SGMS1: variants seen among roughly 807,000 people sequenced by gnomAD.
SGMS1 encodes phosphatidylcholine:ceramide cholinephosphotransferase 1.
A neutral mutation model predicts 46.2 loss-of-function variants in SGMS1; 13 were observed. That is an observed-to-expected ratio of 0.28 (90% CI 0.18 to 0.45). The LOEUF is 0.45. SGMS1 is among the 20% of genes least tolerant of loss of function. The probability of loss-of-function intolerance (pLI) is 1.00; values close to 1 mark genes in which losing one functional copy is unlikely to be tolerated. For missense variants in SGMS1, 324 were observed against 519.9 expected (o/e 0.62, Z 3.66); for synonymous variants, 203 against 187.8 (o/e 1.08, Z -0.66).
At chr10:50,322,949 T>C (rs1363368019) in intron 8 of SGMS1, among the ~76,000 whole-genome samples, 1 of 151,536 alleles carries the variant, frequency 6.6e-6, no homozygotes, top group African/African-American at 2.4e-5. Flanking sequence ...GTATCAAAAA[T>C]TTGGCAGCCT....
chr10:50,487,070 T>G (rs1837526988), intron 3 of SGMS1, among the ~76,000 whole-genome samples: 1 of 152,136 alleles, frequency 6.6e-6, no homozygotes, highest in Admixed American at 6.5e-5. Context: ...GAAACCCAAA[T>G]ACCGCATGTT....
intron 6 of SGMS1, among the ~76,000 whole-genome samples, chr10:50,347,199 A>C (rs1847928894): frequency 6.6e-6 from 1 of 152,106 alleles, no homozygotes; most frequent in Non-Finnish European, 1.5e-5. Flanking sequence ...AATGTTAAGC[A>C]CCCATAGATC....
chr10:50,582,441 A>G (rs1838443638), intron 2 of SGMS1, among the ~76,000 whole-genome samples: 1 of 152,246 alleles, frequency 6.6e-6, no homozygotes, highest in South Asian at 2.1e-4. Flanking sequence ...TCGTGAGAGC[A>G]GCACTCTGCA....
intron 2 of SGMS1, among the ~76,000 whole-genome samples, chr10:50,586,836 C>A (rs566664131): frequency 1.3e-5 from 2 of 152,338 alleles, no homozygotes; most frequent in Admixed American, 1.3e-4. Flanking sequence ...GAGGAGAAAA[C>A]CTTGTTTAAT....
chr10:50,562,597 G>T (rs569595390), intron 2 of SGMS1, among the ~76,000 whole-genome samples: 2 of 152,186 alleles, frequency 1.3e-5, no homozygotes, highest in Non-Finnish European at 2.9e-5. Context: ...AGGCTGGAGT[G>T]CAGTGGCGCG....
At chr10:50,336,416 T>C (rs1847718296) in intron 7 of SGMS1, among the ~76,000 whole-genome samples, 1 of 152,090 alleles carries the variant, frequency 6.6e-6, no homozygotes, top group African/African-American at 2.4e-5. Flanking sequence ...ATCAGATTAG[T>C]AGTGAGTAGG....
intron 6 of SGMS1, among the ~76,000 whole-genome samples, chr10:50,382,579 A>C (rs1307189712): frequency 2.0e-5 from 3 of 150,104 alleles, no homozygotes; most frequent in Non-Finnish European, 4.4e-5. Flanking sequence ...ACACACACAC[A>C]CACACACACA....
intron 2 of SGMS1, among the ~76,000 whole-genome samples, chr10:50,560,350 A>C (rs986787677): frequency 7.2e-6 from 1 of 137,944 alleles, no homozygotes; most frequent in Admixed American, 7.6e-5. Context: ...TATTAATAAT[A>C]TATATTATAA....
chr10:50,467,788 G>T (rs1179320932), intron 3 of SGMS1, among the ~76,000 whole-genome samples: 3 of 152,186 alleles, frequency 2.0e-5, no homozygotes, highest in African/African-American at 7.2e-5. Context: ...GGAAAGGGGA[G>T]CAAGTAGTGG....
intron 8 of SGMS1, among the ~76,000 whole-genome samples, chr10:50,321,899 C>T (rs762797499): frequency 1.3e-5 from 2 of 152,174 alleles, no homozygotes; most frequent in African/African-American, 4.8e-5. Flanking sequence ...ACCCGTTAGG[C>T]TGATGGTTGA....
At chr10:50,623,108 G>C (rs1838870914) in intron 1 of SGMS1, among the ~76,000 whole-genome samples, 1 of 152,206 alleles carries the variant, frequency 6.6e-6, no homozygotes, top group East Asian at 1.9e-4. Flanking sequence ...TGGAGAGAAG[G>C]GGAGCGCTCC....
At chr10:50,343,332 C>A in intron 7 of SGMS1, 160 bp downstream of exon 7, 4 of 728,618 alleles carry the variant, frequency 5.5e-6, no homozygotes, top group Admixed American at 3.4e-5. Flanking sequence ...TTAAAGCTTC[C>A]AGACAGTAAG....
At chr10:50,617,610 C>T (rs1838810327) in intron 1 of SGMS1, among the ~76,000 whole-genome samples, 1 of 152,196 alleles carries the variant, frequency 6.6e-6, no homozygotes, top group Non-Finnish European at 1.5e-5. Flanking sequence ...GAGACAGGGT[C>T]TCACTCTGTC....
chr10:50,420,685 A>T (rs1203617274), intron 6 of SGMS1, among the ~76,000 whole-genome samples: 2 of 152,236 alleles, frequency 1.3e-5, no homozygotes, highest in Non-Finnish European at 2.9e-5. Context: ...TGGCTATTAT[A>T]TCAAGGACAG....
At chr10:50,460,991 T>A in intron 4 of SGMS1, among the ~76,000 whole-genome samples, 177 bp from the exon 5 acceptor site, 1 of 151,292 alleles carries the variant, frequency 6.6e-6, no homozygotes, top group South Asian at 2.1e-4. Flanking sequence ...CCATTTTTTC[T>A]TTCTTTTCTA....
At chr10:50,526,475 T>C (rs574293761) in intron 2 of SGMS1, among the ~76,000 whole-genome samples, 3 of 152,052 alleles carry the variant, frequency 2.0e-5, no homozygotes, top group Non-Finnish European at 4.4e-5. Flanking sequence ...AGACACACAA[T>C]CTCCCTGTTT....
chr10:50,419,243 T>C (rs1036249556), intron 6 of SGMS1, among the ~76,000 whole-genome samples: 1 of 152,090 alleles, frequency 6.6e-6, no homozygotes, highest in Admixed American at 6.5e-5. Flanking sequence ...GGACAAAGAG[T>C]AGGCACTCAA....
At chr10:50,308,769 A>C (rs1174878849) in intron 9 of SGMS1, among the ~76,000 whole-genome samples, 1 of 152,216 alleles carries the variant, frequency 6.6e-6, no homozygotes, top group African/African-American at 2.4e-5. Context: ...GAAAAACATC[A>C]AAATTTCTAT....
intron 3 of SGMS1, among the ~76,000 whole-genome samples, chr10:50,494,274 C>T (rs545909194): frequency 9.2e-5 from 14 of 152,292 alleles, no homozygotes; most frequent in Non-Finnish European, 1.5e-4. Flanking sequence ...CATTCCAATA[C>T]TGGGTATACA....
Sources: allele counts gnomAD v4.1 joint callset (sites outside exome capture counted in the v4.1 genomes callset), GRCh38; gene constraint gnomAD v4.1.1; transcripts MANE v1.5; gene names NCBI Gene and HGNC (gene_info 2026-07-23, HGNC 2026-07-21).